Variants in LRP1B observed in about 807,000 individuals in gnomAD.
The protein encoded by LRP1B is low-density lipoprotein receptor-related protein 1B.
Under a neutral mutation model 556.6 loss-of-function variants are expected in LRP1B, and 217 were observed. The ratio of observed to expected loss-of-function variants is 0.39; its 90% CI spans 0.35 to 0.44. LRP1B has a LOEUF of 0.44. Among genes scored for constraint, LRP1B ranks in the 20% least tolerant of loss-of-function variants. LRP1B has a pLI of 1.00. For synonymous variants in LRP1B, 2,047 were observed against 1,865.8 expected (o/e 1.10, Z -2.50); for missense variants, 5,053 against 5,620.8 (o/e 0.90, Z 3.23).
At chr2:140,634,421 T>C (rs1684001287) in intron 41 of LRP1B, among the ~76,000 whole-genome samples, 2 of 152,126 alleles carry the variant, frequency 1.3e-5, no homozygotes, top group South Asian at 4.1e-4. Flanking sequence ...ATTTCCCATG[T>C]AGAAGAATTC....
At chr2:141,555,343 T>C (rs1040097907) in intron 2 of LRP1B, among the ~76,000 whole-genome samples, 1 of 152,088 alleles carries the variant, frequency 6.6e-6, no homozygotes, top group Admixed American at 6.6e-5. Context: ...CACAATTATA[T>C]GTGTAACTAA....
In LRP1B at chr2:141,257,830, T is replaced by A. The variant is rs150440141; in HGVS notation, c.344-3189A>T. 4.1e-3 allele frequency among the ~76,000 whole-genome samples: 629 copies of A among 152,342 alleles called. 3 individuals carry two copies. Among genetic ancestry groups the A allele is most frequent in the African/African-American group, 0.013 (560 of 41,588 alleles). ...CTAAAATTTAAAATTTGGCAGACTGTGAAAGCAATACTAATTATTAGAGTT... is the reference window on the plus strand; with the variant it reads ...CTAAAATTTAAAATTTGGCAGACTGAGAAAGCAATACTAATTATTAGAGTT... On this transcript the variant is annotated intron_variant, in intron 3 of 90. Transcript: ENST00000389484.
At chr2:140,274,050 CTTA>C (rs1397594504) in intron 85 of LRP1B, among the ~76,000 whole-genome samples, 1 of 151,982 alleles carries the variant, frequency 6.6e-6, no homozygotes, top group East Asian at 1.9e-4. Flanking sequence ...AGCAAACCTA[CTTA>C]TTGTCAATAA....
At chr2:140,289,616 A>T (rs988323861) in intron 84 of LRP1B, among the ~76,000 whole-genome samples, 14 of 151,480 alleles carry the variant, frequency 9.2e-5, no homozygotes, top group Non-Finnish European at 8.8e-5. Context: ...TTTTTTTTTA[A>T]TGAAGGCATA....
chr2:140,326,830 T>G (rs570374867), intron 79 of LRP1B, among the ~76,000 whole-genome samples: 27 of 152,238 alleles, frequency 1.8e-4, no homozygotes, highest in African/African-American at 6.5e-4. Flanking sequence ...TGAATGATAA[T>G]GGACTGAAAT....
chr2:141,272,017 A>T (rs1685110015), intron 3 of LRP1B, among the ~76,000 whole-genome samples: 1 of 152,074 alleles, frequency 6.6e-6, no homozygotes, highest in African/African-American at 2.4e-5. Flanking sequence ...AGAAACAATG[A>T]AGAGAATCAG....
chr2:141,047,040 G>C (rs57737462), intron 11 of LRP1B, among the ~76,000 whole-genome samples: 112,461 of 150,068 alleles, frequency 0.75, 42,257 homozygotes, highest in South Asian at 0.81. Context: ...CAAGATTGCA[G>C]CACTGCACAA....
intron 77 of LRP1B, among the ~76,000 whole-genome samples, chr2:140,342,481 A>G (rs1341885132): frequency 1.3e-5 from 2 of 151,548 alleles, no homozygotes; most frequent in African/African-American, 4.8e-5. Context: ...TAATGTGTTT[A>G]TTCTTATAAT....
chr2:140,304,905 A>T (rs1684000392), intron 83 of LRP1B, among the ~76,000 whole-genome samples: 1 of 152,112 alleles, frequency 6.6e-6, no homozygotes, highest in Non-Finnish European at 1.5e-5. Flanking sequence ...CCATTTATTA[A>T]ATAGGGAATC....
chr2:141,034,755 G>T (rs1360718072), intron 11 of LRP1B, among the ~76,000 whole-genome samples: 1 of 148,748 alleles, frequency 6.7e-6, no homozygotes, highest in Non-Finnish European at 1.5e-5. Context: ...TTACACTGTT[G>T]GTGGGACTGT....
At chr2:141,277,625 G>C (rs954320760) in intron 3 of LRP1B, among the ~76,000 whole-genome samples, 2 of 151,202 alleles carry the variant, frequency 1.3e-5, no homozygotes, top group African/African-American at 4.9e-5. Context: ...GAAAATATAT[G>C]GATGGGAGTA....
intron 11 of LRP1B, among the ~76,000 whole-genome samples, chr2:141,031,251 T>TCACACACA (rs72098612): frequency 0.011 from 1,387 of 121,534 alleles, 10 homozygotes; most frequent in South Asian, 0.03. Flanking sequence ...TATATACATA[T>TCACACACA]CACACACACA....
intron 66 of LRP1B, among the ~76,000 whole-genome samples, chr2:140,405,943 C>A (rs181674058): frequency 6.6e-6 from 1 of 152,164 alleles, no homozygotes; most frequent in African/African-American, 2.4e-5. Flanking sequence ...AAATCCCCAA[C>A]AAAATACCAG....
intron 6 of LRP1B, among the ~76,000 whole-genome samples, chr2:141,208,876 C>CA (rs57659094): frequency 1.8e-4 from 12 of 65,486 alleles, no homozygotes; most frequent in Non-Finnish European, 2.2e-4. Context: ...GATTCCGTCT[C>CA]AAAAAAAAAA....
intron 43 of LRP1B, among the ~76,000 whole-genome samples, chr2:140,574,465 A>G (rs1268914506): frequency 6.6e-6 from 1 of 152,096 alleles, no homozygotes; most frequent in African/African-American, 2.4e-5. Context: ...TTGCTCAGGG[A>G]AAAAAATATC....
At chr2:140,407,340 T>A (rs1684784501) in intron 66 of LRP1B, among the ~76,000 whole-genome samples, 1 of 152,090 alleles carries the variant, frequency 6.6e-6, no homozygotes, top group African/African-American at 2.4e-5. Context: ...AAATGGGATC[T>A]AATTAAACTA....
At chr2:141,329,518 C>T (rs546284338) in intron 3 of LRP1B, among the ~76,000 whole-genome samples, 125 of 151,856 alleles carry the variant, frequency 8.2e-4, no homozygotes, top group East Asian at 1.5e-3. Flanking sequence ...GTGGCGGGCA[C>T]CTGTAGTCCC....
chr2:141,707,630 C>A (rs1255610301), intron 2 of LRP1B, among the ~76,000 whole-genome samples: 4 of 152,128 alleles, frequency 2.6e-5, no homozygotes, highest in Admixed American at 2.6e-4. Flanking sequence ...TCTTTATGTT[C>A]TTTGGTCAAA....
chr2:140,945,553 T>G (rs1267970563), intron 20 of LRP1B, among the ~76,000 whole-genome samples: 1 of 151,988 alleles, frequency 6.6e-6, no homozygotes, highest in Non-Finnish European at 1.5e-5. Context: ...GAAATAAAGC[T>G]GCACACCTAC....
Sources: gnomAD v4.1 joint callset for allele counts (sites outside exome capture counted in the v4.1 genomes callset) on GRCh38, gnomAD v4.1.1 for gene constraint, MANE v1.5 for transcripts, NCBI Gene and HGNC (gene_info 2026-07-23, HGNC 2026-07-21) for gene names.